Variants in CRPPA observed in about 807,000 individuals in gnomAD.
CRPPA encodes the protein D-ribitol-5-phosphate cytidylyltransferase.
In CRPPA, 43 loss-of-function variants were observed where a neutral mutation model predicts 52.0. The observed-to-expected ratio is 0.83, with a 90% CI of 0.65 to 1.07. The LOEUF is 1.07. Ranked by LOEUF, CRPPA falls within the 50% of genes least tolerant of loss-of-function variation. The pLI is 0.00. For missense variants in CRPPA, 629 were observed against 551.7 expected (o/e 1.14, Z -1.40); for synonymous variants, 250 against 203.5 (o/e 1.23, Z -1.94).
rs544136100 is a variant in CRPPA, at chr7:16,087,903, T to C, written c.*3792A>G. The C allele has an allele frequency of 1.4e-4, 21 of 152,304 alleles. No individual in the cohort carries two copies. The East Asian group carries it at 2.3e-3, about 17-fold the overall frequency. The allele number at this position is 152,304 out of a possible 1,614,324, so 9.4% of individuals were successfully genotyped here. On this transcript the variant is annotated 3_prime_UTR_variant, in exon 10 of 10. Coordinates refer to ENST00000407010, the MANE Select transcript of CRPPA (RefSeq NM_001101426.4). ...ATTAAAACAAAGTCAAATTTACAGATTTTAAGACATTCTGTAATTTGATTT... is the reference window on the plus strand; with the variant it reads ...ATTAAAACAAAGTCAAATTTACAGACTTTAAGACATTCTGTAATTTGATTT...
In CRPPA at chr7:16,376,249, A is replaced by T; in HGVS notation, c.535-8T>A. ...TCGAATGGCTCCTGCTGCCTGAAGA[A>T]CAAAGAGGCAAAGAATATATTTCAC... is the stretch of plus-strand genomic sequence containing the variant. On this transcript the variant is annotated splice_polypyrimidine_tract_variant and splice_region_variant and intron_variant, in intron 2 of 9. Coordinates refer to ENST00000407010, the MANE Select transcript of CRPPA (RefSeq NM_001101426.4). 6.3e-7 allele frequency: 1 copy of T among 1,591,708 alleles called. No homozygotes were observed. The highest frequency in any genetic ancestry group is 8.5e-7 in the Non-Finnish European group (1 of 1,171,078).
At position 16,111,360 on chromosome 7, in the gene CRPPA, T is replaced by C. The variant is rs960724431; in HGVS notation, c.1252-19561A>G. ...AATTAGTACACTGTGGGAAACTGTA[T>C]GGTTGTTTCTCAAAATCTAAAACTA... On this transcript the variant is annotated intron_variant, in intron 9 of 9. Coordinates refer to ENST00000407010, the MANE Select transcript of CRPPA (RefSeq NM_001101426.4). 1.3e-5 allele frequency among the ~76,000 whole-genome samples: 2 copies of C among 152,180 alleles called. 1 individual carries two copies. The highest frequency in any genetic ancestry group is 1.3e-4 in the Admixed American group (2 of 15,272).
intron 3 of CRPPA, among the ~76,000 whole-genome samples, chr7:16,371,294 G>A (rs1333316018): frequency 2.0e-5 from 3 of 151,992 alleles, no homozygotes; most frequent in Non-Finnish European, 2.9e-5. Context: ...AAATTAAACT[G>A]TATACCACAA....
intron 9 of CRPPA, among the ~76,000 whole-genome samples, chr7:16,105,525 T>C (rs1782133696): frequency 1.3e-5 from 2 of 152,136 alleles, no homozygotes; most frequent in Admixed American, 6.5e-5. Context: ...GAAAATGTCA[T>C]GACTACACCA....
At chr7:16,137,977 C>T (rs1189343267) in intron 9 of CRPPA, among the ~76,000 whole-genome samples, 1 of 152,004 alleles carries the variant, frequency 6.6e-6, no homozygotes. Context: ...AGAAAATGTC[C>T]TATAGGAAAA....
intron 1 of CRPPA, 88 bp downstream of exon 1, chr7:16,420,978 T>G: frequency 8.9e-7 from 1 of 1,119,566 alleles, no homozygotes; most frequent in Non-Finnish European, 1.2e-6. Context: ...GTCCCCCAAG[T>G]GAAGGTGCTA....
intron 9 of CRPPA, among the ~76,000 whole-genome samples, chr7:16,137,365 G>A (rs538118008): frequency 1.3e-5 from 2 of 152,256 alleles, no homozygotes; most frequent in East Asian, 3.9e-4. Context: ...AAGCTACCTA[G>A]TGTATAGCTT....
At chr7:16,145,064 A>G (rs1187749607) in intron 9 of CRPPA, among the ~76,000 whole-genome samples, 3 of 152,186 alleles carry the variant, frequency 2.0e-5, no homozygotes, top group African/African-American at 7.2e-5. Context: ...AGTCAAAACC[A>G]TAAGTGCCCC....
chr7:16,105,864 T>A (rs1583359093), intron 9 of CRPPA, among the ~76,000 whole-genome samples: 1 of 152,098 alleles, frequency 6.6e-6, no homozygotes, highest in Non-Finnish European at 1.5e-5. Flanking sequence ...AGCACCTCTA[T>A]GAAGCTAAAA....
chr7:16,096,557 T>C (rs1294929867), intron 9 of CRPPA, among the ~76,000 whole-genome samples: 2 of 152,182 alleles, frequency 1.3e-5, no homozygotes, highest in Middle Eastern at 3.4e-3. Flanking sequence ...ATCTTGAAGA[T>C]AGTAAAAAAA....
intron 1 of CRPPA, among the ~76,000 whole-genome samples, chr7:16,419,034 C>T (rs1788262686): frequency 6.6e-6 from 1 of 152,168 alleles, no homozygotes; most frequent in South Asian, 2.1e-4. Context: ...GCTATGTTGT[C>T]ACAATGTTCA....
intron 9 of CRPPA, among the ~76,000 whole-genome samples, chr7:16,109,099 T>C (rs550558711): frequency 1.3e-5 from 2 of 151,742 alleles, no homozygotes; most frequent in South Asian, 2.1e-4. Flanking sequence ...AAAGTAAATA[T>C]AAGAGATTAG....
At chr7:16,421,017 G>C (rs953946946) in intron 1 of CRPPA, 49 bp downstream of exon 1, 89 of 1,259,574 alleles carry the variant, frequency 7.1e-5, no homozygotes, top group Non-Finnish European at 8.6e-5. Flanking sequence ...GGCGGGGAGC[G>C]GGAGGCCGGG....
chr7:16,194,847 G>GTT, intron 9 of CRPPA, among the ~76,000 whole-genome samples: 1 of 86,720 alleles, frequency 1.2e-5, no homozygotes, highest in African/African-American at 3.4e-5. Context: ...TTGGTCTTTT[G>GTT]GTTTTTTTTT....
At chr7:16,137,447 T>C (rs1782783471) in intron 9 of CRPPA, among the ~76,000 whole-genome samples, 1 of 152,220 alleles carries the variant, frequency 6.6e-6, no homozygotes, top group South Asian at 2.1e-4. Context: ...ATATTTTATC[T>C]TTATTTGATA....
chr7:16,143,853 CA>C (rs1252012650), intron 9 of CRPPA, among the ~76,000 whole-genome samples: 1 of 151,972 alleles, frequency 6.6e-6, no homozygotes, highest in Non-Finnish European at 1.5e-5. Context: ...CTACATTGGT[CA>C]CAACAAAAAC....
chr7:16,333,518 C>T (rs1024764572), intron 3 of CRPPA, among the ~76,000 whole-genome samples: 2 of 152,114 alleles, frequency 1.3e-5, no homozygotes, highest in African/African-American at 4.8e-5. Context: ...TAAAACAGAA[C>T]TTAGTAAAGT....
At chr7:16,355,709 T>G (rs1169085018) in intron 3 of CRPPA, among the ~76,000 whole-genome samples, 5 of 152,164 alleles carry the variant, frequency 3.3e-5, no homozygotes, top group African/African-American at 1.2e-4. Context: ...ACTCCCAACA[T>G]CCTCATTTGT....
chr7:16,138,872 G>A (rs1181909695), intron 9 of CRPPA, among the ~76,000 whole-genome samples: 4 of 152,074 alleles, frequency 2.6e-5, no homozygotes, highest in Non-Finnish European at 4.4e-5. Flanking sequence ...CACGATCTCG[G>A]CTCACTGCAA....
Sources: allele counts gnomAD v4.1 joint callset (sites outside exome capture counted in the v4.1 genomes callset), GRCh38; gene constraint gnomAD v4.1.1; transcripts MANE v1.5; gene names NCBI Gene and HGNC (gene_info 2026-07-23, HGNC 2026-07-21).